DENND3: variants seen among roughly 807,000 people sequenced by gnomAD.
DENND3 encodes DENN domain containing 3.
In DENND3, 88 loss-of-function variants were observed where a neutral mutation model predicts 135.1. The ratio of observed to expected loss-of-function variants is 0.65; its 90% confidence interval spans 0.55 to 0.78. The LOEUF is 0.78. Among genes scored for constraint, DENND3 ranks in the 30% least tolerant of loss-of-function variants. The pLI, the probability that DENND3 is intolerant of heterozygous loss-of-function variation, is 0.00. For missense variants in DENND3, 1,392 were observed against 1,688.4 expected (o/e 0.82, Z 3.08); for synonymous variants, 693 against 712.3 (o/e 0.97, Z 0.43).
chr8:141,179,042 TA>T (rs1357614225), intron 16 of DENND3, among the ~76,000 whole-genome samples: 1 of 152,246 alleles, frequency 6.6e-6, no homozygotes, highest in Non-Finnish European at 1.5e-5. Context: ...TCTGGCTTTT[TA>T]AAAAGTCGCA....
rs888255795 is a variant in DENND3, at chr8:141,188,234, A to C, written c.3085-752A>C. 3.3e-5 allele frequency: 5 copies of C among 150,638 alleles called. No homozygotes were observed. In the East Asian group the frequency reaches 9.6e-4, roughly 29 times the overall value. The allele number at this position is 150,638 out of a possible 1,614,324, so 9.3% of individuals were successfully genotyped here. A position where few individuals can be genotyped will look rare whatever the true frequency, so the allele number is the denominator to read the frequency against. On this transcript the variant is annotated intron_variant, in intron 18 of 22. Coordinates refer to ENST00000519811, the MANE Select transcript of DENND3 (RefSeq NM_001352890.3). ...AGTGAGACTCTGTCTCAAAATAAAC[A>C]AACAAACAAAAATAAAAATTCTGAT...
In DENND3 at chr8:141,141,350, G is replaced by T; in HGVS notation, c.623+26G>T. 1 of 1,611,610 alleles carries T rather than the reference G, an allele frequency of 6.2e-7. No homozygotes were observed. The highest frequency in any genetic ancestry group is 1.1e-5 in the South Asian group (1 of 90,986). On this transcript the variant is annotated intron_variant, in intron 4 of 22. Transcript: ENST00000519811. This position sits in a 1 kb window ranked among gnomAD's most constrained non-coding sequence, Gnocchi z 5.3. ...GTGAGCTGGGGCACCGGGGGCCAGG[G>T]GTGGTAGGGGGCAGCTCTTTGTGCC...
chr8:141,142,650 A>C, intron 4 of DENND3: 1 of 284,176 alleles, frequency 3.5e-6, no homozygotes. Context: ...AATTGAGCAC[A>C]TGCATGTTTG....
chr8:141,192,037 T>G (rs369199690), intron 20 of DENND3: 1 of 321,888 alleles, frequency 3.1e-6, no homozygotes. Flanking sequence ...CAATAATACA[T>G]TCTTTAAGAT....
At position 141,195,234 on chromosome 8, in the gene DENND3, G is replaced by A. The variant is rs548602110; in HGVS notation, c.*1001G>A. 140 of 152,508 alleles carry A rather than the reference G, an allele frequency of 9.2e-4. No homozygotes were observed. Among genetic ancestry groups the A allele is most frequent in the African/African-American group, 3.3e-3 (136 of 41,598 alleles). The allele number at this position is 152,508 out of a possible 1,614,324, so 9.4% of individuals were successfully genotyped here. A position where few individuals can be genotyped will look rare whatever the true frequency, so the allele number is the denominator to read the frequency against. On this transcript the variant is annotated 3_prime_UTR_variant, in exon 23 of 23. Coordinates refer to ENST00000519811, the MANE Select transcript of DENND3 (RefSeq NM_001352890.3). ...AATGTTGAGACTTCATTACTTAAAT[G>A]TTCTACGGAAGGTTCTGGTGTGGTT...
chr8:141,185,438 T>A, intron 18 of DENND3, 160 bp downstream of exon 18: 1 of 919,968 alleles, frequency 1.1e-6, no homozygotes, highest in Non-Finnish European at 1.6e-6. Context: ...GTTTTCAAAT[T>A]AAATGTAAGC....
intron 13 of DENND3, among the ~76,000 whole-genome samples, chr8:141,173,080 C>T (rs186840157): frequency 1.1e-3 from 87 of 76,776 alleles, no homozygotes; most frequent in African/African-American, 4.5e-3. Context: ...ATTTCTAAAA[C>T]GGAAGGGAGA....
Position 141,136,721 on chromosome 8 carries a change from G to A in DENND3, c.315G>A (p.Ala105=), listed in dbSNP as rs368693259. The A allele has an allele frequency of 1.3e-4, 214 of 1,609,990 alleles. No individual in the cohort carries two copies. Among genetic ancestry groups the A allele is most frequent in the Middle Eastern group, 1.6e-4 (1 of 6,068 alleles). ...AGGGCCTCCCGGGGCCCCCCAGAGC[G>A]CCAGAGCCTGAGGATGTCGCCGTCC... is the stretch of plus-strand genomic sequence containing the variant. ...QWKGLPGPPR[A]PEPEDVAVPG... The change falls in exon 2 of 23, where the codon GCG becomes GCA. Residue 105 remains alanine (A), a synonymous_variant. Transcript: ENST00000519811.
At position 141,137,761 on chromosome 8, in the gene DENND3, A is replaced by C. The variant is rs1283333704; in HGVS notation, c.386-261A>C. On this transcript the variant is annotated intron_variant, in intron 2 of 22. Transcript: ENST00000519811. The surrounding 1 kb of genome is among the most constrained non-coding windows in gnomAD (Gnocchi z 4.1). ...GGATTATAAACCTGGGACAGGCGCC[A>C]GGTGGGCGGCTGTGCCCAGCAAGCA... 6.6e-6 allele frequency among the ~76,000 whole-genome samples: 1 copy of C among 152,250 alleles called. No homozygotes were observed. The highest frequency in any genetic ancestry group is 1.5e-5 in the Non-Finnish European group (1 of 68,036).
At position 141,190,370 on chromosome 8, in the gene DENND3, G is replaced by A. The variant is rs754976184; in HGVS notation, c.3332G>A (p.Arg1111Gln). The change falls in exon 20 of 23, where the codon CGA becomes CAA. Residue 1111 changes from arginine to glutamine, a missense_variant. By Grantham distance (43) the Arg-to-Gln change is conservative. Coordinates refer to ENST00000519811, the MANE Select transcript of DENND3 (RefSeq NM_001352890.3). ...GTGACCAGCCGCTTCCAGCTGCCGC[G>A]AGGTGGCCTGACGTCCATCAGACTG... ...LQVTSRFQLP[R>Q]GGLTSIRLHG... is the part of the protein sequence containing the mutation. 1.2e-5 allele frequency: 19 copies of A among 1,612,810 alleles called. No homozygotes were observed. The South Asian group carries it at 1.3e-4, about 11-fold the overall frequency.
At chr8:141,136,858 A>C in intron 2 of DENND3, 67 bp downstream of exon 2, 1 of 1,454,686 alleles carries the variant, frequency 6.9e-7, no homozygotes, top group Non-Finnish European at 9.1e-7. Flanking sequence ...GTCTATTCCC[A>C]GAAACCCACA....
chr8:141,193,245 T>A (rs1569557232), intron 22 of DENND3: 1 of 164,604 alleles, frequency 6.1e-6, no homozygotes, highest in African/African-American at 2.4e-5. Flanking sequence ...GGGGGGACAC[T>A]GTTCAACCCA....
intron 1 of DENND3, among the ~76,000 whole-genome samples, chr8:141,135,770 A>G (rs549279751): frequency 9.2e-5 from 14 of 152,248 alleles, no homozygotes; most frequent in Non-Finnish European, 1.9e-4. Context: ...ATGGGAAGAA[A>G]AAAGGCAAAA....
At chr8:141,143,970 C>T (rs916950748) in intron 4 of DENND3, 178 bp from the exon 5 acceptor site, 17 of 550,016 alleles carry the variant, frequency 3.1e-5, no homozygotes, top group Middle Eastern at 4.8e-4. Flanking sequence ...CAGGCACTAC[C>T]GCAGACCTGG....
intron 1 of DENND3, among the ~76,000 whole-genome samples, chr8:141,131,598 T>G (rs1380479078): frequency 6.6e-6 from 1 of 152,202 alleles, no homozygotes; most frequent in Non-Finnish European, 1.5e-5. Flanking sequence ...TAATTCTAAC[T>G]AAACAGTTGG....
chr8:141,133,872 G>C (rs775624411), intron 1 of DENND3, among the ~76,000 whole-genome samples: 7 of 152,206 alleles, frequency 4.6e-5, no homozygotes, highest in Non-Finnish European at 1.0e-4. Context: ...GAGGTGCAGT[G>C]GGGGTGGCAG....
chr8:141,150,469 A>T, intron 5 of DENND3: 1 of 400,760 alleles, frequency 2.5e-6, no homozygotes, highest in Non-Finnish European at 4.1e-6. Context: ...AACTAAAAAG[A>T]ATATGTAATA....
At chr8:141,164,881 GGA>G (rs1820577160) in intron 10 of DENND3, among the ~76,000 whole-genome samples, 1 of 152,226 alleles carries the variant, frequency 6.6e-6, no homozygotes, top group African/African-American at 2.4e-5. Context: ...TATGTCAGGA[GGA>G]TATGTCTGAG....
At chr8:141,181,798 G>T (rs903266820) in intron 17 of DENND3, among the ~76,000 whole-genome samples, 1 of 150,424 alleles carries the variant, frequency 6.6e-6, no homozygotes, top group Non-Finnish European at 1.5e-5. Context: ...TTGAGTCAGG[G>T]TCTTGCTCTG....
Sources: allele counts gnomAD v4.1 joint callset (sites outside exome capture counted in the v4.1 genomes callset), GRCh38; gene constraint gnomAD v4.1.1; non-coding constraint Gnocchi (gnomAD v3.1); transcripts MANE v1.5; gene names NCBI Gene and HGNC (gene_info 2026-07-23, HGNC 2026-07-21).